The following LPCAT2 variants were observed in gnomAD, a reference collection of about 807,000 sequenced individuals.
LPCAT2 encodes the protein lysophosphatidylcholine acyltransferase 2.
LPCAT2 carries 58 observed loss-of-function variants against 64.7 expected under a neutral mutation model. The ratio of observed to expected loss-of-function variants is 0.90; its 90% CI spans 0.73 to 1.12. The LOEUF (loss-of-function observed/expected upper bound fraction) is 1.12. Ranked by LOEUF, LPCAT2 falls within the 50% of genes most tolerant of loss-of-function variation. The probability of loss-of-function intolerance (pLI) is 0.00; values close to 1 mark genes in which losing one functional copy is unlikely to be tolerated. For missense variants in LPCAT2, 579 were observed against 669.8 expected, an observed-to-expected ratio of 0.86 and a Z score of 1.50; for synonymous variants, 252 against 245.3, an observed-to-expected ratio of 1.03 and a Z score of -0.26.
intron 1 of LPCAT2, among the ~76,000 whole-genome samples, chr16:55,514,577 CAG>C (rs1443768097): frequency 6.6e-6 from 1 of 152,158 alleles, no homozygotes; most frequent in Non-Finnish European, 1.5e-5. Flanking sequence ...CAACAACAAA[CAG>C]CAACCACAAC....
At chr16:55,512,340 T>C (rs1424674378) in intron 1 of LPCAT2, among the ~76,000 whole-genome samples, 1 of 152,202 alleles carries the variant, frequency 6.6e-6, no homozygotes, top group Non-Finnish European at 1.5e-5. Flanking sequence ...TATGAAAAAC[T>C]ACACGAAGGC....
At position 55,556,458 on chromosome 16, in the gene LPCAT2, T is replaced by C. The variant is rs147664370; in HGVS notation, c.1215+5356T>C. Among the ~76,000 whole-genome samples, 283 of 152,238 alleles carry C rather than the reference T, an allele frequency of 1.9e-3. 5 individuals carry two copies. In the East Asian group the frequency reaches 0.026, roughly 14 times the overall value. Reference sequence around the variant, plus strand: ...TTTCCCTGTCCTTCAGGTGTCAAACTATTATAGCTAGCAGTTACAGAATTG... The same window carrying C: ...TTTCCCTGTCCTTCAGGTGTCAAACCATTATAGCTAGCAGTTACAGAATTG... On this transcript the variant is annotated intron_variant, in intron 11 of 13. Transcript: ENST00000262134.
chr16:55,564,762 G>T (rs1963673516), intron 11 of LPCAT2, among the ~76,000 whole-genome samples: 1 of 151,906 alleles, frequency 6.6e-6, no homozygotes, highest in South Asian at 2.1e-4. Flanking sequence ...CAGAGGAAAA[G>T]CTTCATGACA....
At chr16:55,552,101 C>T (rs1455769300) in intron 11 of LPCAT2, among the ~76,000 whole-genome samples, 1 of 152,100 alleles carries the variant, frequency 6.6e-6, no homozygotes, top group Non-Finnish European at 1.5e-5. Flanking sequence ...TGTAGTCAAG[C>T]CCTTCCCCCA....
chr16:55,511,864 G>T (rs1400643559), intron 1 of LPCAT2, among the ~76,000 whole-genome samples: 1 of 152,156 alleles, frequency 6.6e-6, no homozygotes, highest in Admixed American at 6.5e-5. Flanking sequence ...CAGGGTCTAT[G>T]CTATATGGTC....
rs539874304 is a variant in LPCAT2, at chr16:55,579,118, G to A, written c.1324G>A (p.Val442Ile). The change falls in exon 13 of 14, where the codon GTT becomes ATT. Residue 442 changes from valine to isoleucine, a missense_variant. By Grantham distance (29) the Val-to-Ile change is conservative. Coordinates refer to ENST00000262134, the MANE Select transcript of LPCAT2 (RefSeq NM_017839.5). Reference sequence around the variant, plus strand: ...ATTTTATTTTCTTCAGCTGTTTGACGTTGATGAGGATGGCTACATAACGGA... The same window carrying A: ...ATTTTATTTTCTTCAGCTGTTTGACATTGATGAGGATGGCTACATAACGGA... ...IIQVAFKLFD[V>I]DEDGYITEEE... The A allele has an allele frequency of 4.3e-5, 70 of 1,612,688 alleles. No homozygotes were observed. Among genetic ancestry groups the A allele is most frequent in the Middle Eastern group, 3.3e-4 (2 of 6,044 alleles).
chr16:55,527,887 G>T (rs1963195170), intron 2 of LPCAT2, among the ~76,000 whole-genome samples: 1 of 152,186 alleles, frequency 6.6e-6, no homozygotes, highest in Admixed American at 6.5e-5. Context: ...GTTTCAGTGT[G>T]AGAGCTCCAA....
At chr16:55,526,255 A>G (rs779316622) in intron 2 of LPCAT2, among the ~76,000 whole-genome samples, 1 of 152,198 alleles carries the variant, frequency 6.6e-6, no homozygotes, top group Admixed American at 6.5e-5. Flanking sequence ...GAAACTGATC[A>G]TGAGTTGACA....
At position 55,586,463 on chromosome 16, in the gene LPCAT2, A is replaced by G. The variant is rs1421076239; in HGVS notation, c.*3365A>G. On this transcript the variant is annotated 3_prime_UTR_variant, in exon 14 of 14. Coordinates refer to ENST00000262134, the MANE Select transcript of LPCAT2 (RefSeq NM_017839.5). ...GAGAAAAATATAAACAGAAAAAATT[A>G]TGTTTACTTCTACCACCCTAAATCA... The G allele has an allele frequency of 7.6e-6, 1 of 132,002 alleles. No homozygotes were observed. The highest frequency in any genetic ancestry group is 1.5e-5 in the Non-Finnish European group (1 of 67,598). 8.2% of individuals were successfully genotyped at this position (132,002 alleles called of 1,614,324 possible).
In LPCAT2 at chr16:55,572,527, G is replaced by A. The variant is rs140194739; in HGVS notation, c.1216-2104G>A. Among the ~76,000 whole-genome samples, 11 of 152,312 alleles carry A rather than the reference G, an allele frequency of 7.2e-5. No individual in the cohort carries two copies. In the East Asian group the frequency reaches 2.1e-3, roughly 29 times the overall value. The stretch of plus-strand genomic sequence containing the variant: ...AAGGTTCAGTAAAAACAGCCCTCCA[G>A]AGTGCATTAGAAAATTAAATGGTGG... On this transcript the variant is annotated intron_variant, in intron 11 of 13. Coordinates refer to ENST00000262134, the MANE Select transcript of LPCAT2 (RefSeq NM_017839.5).
intron 1 of LPCAT2, among the ~76,000 whole-genome samples, chr16:55,517,893 G>T (rs1336283293): frequency 3.9e-5 from 6 of 152,110 alleles, no homozygotes; most frequent in Non-Finnish European, 7.4e-5. Context: ...CTAAGATAAG[G>T]AATAAGACAA....
chr16:55,532,154 T>C (rs1596859395), intron 5 of LPCAT2, 180 bp downstream of exon 5: 2 of 552,068 alleles, frequency 3.6e-6, no homozygotes, highest in East Asian at 6.0e-5. Context: ...TTTGGGGTCA[T>C]AATTCCTCTC....
Position 55,509,255 on chromosome 16 carries a change from G to A in LPCAT2, c.74G>A (p.Arg25Gln). Residue 25 changes from arginine (R) to glutamine (Q), a missense_variant, in exon 1 of 14, where the codon CGG becomes CAG. Transcript: ENST00000262134. Reference protein sequence around the residue: ...PGAGVGNVGLRPPMVPRQASF... With the variant: ...PGAGVGNVGLQPPMVPRQASF... The stretch of plus-strand genomic sequence containing the variant: ...GCCGGCGTCGGGAACGTGGGGCTGC[G>A]GCCGCCCATGGTGCCCCGTCAGGCG... 3 of 1,496,108 alleles carry A rather than the reference G, an allele frequency of 2.0e-6. No homozygotes were observed. Among genetic ancestry groups the A allele is most frequent in the Non-Finnish European group, 2.7e-6 (3 of 1,115,960 alleles). The allele number at this position is 1,496,108 out of a possible 1,614,324, so 92.7% of individuals were successfully genotyped here. A position where few individuals can be genotyped will look rare whatever the true frequency, so the allele number is the denominator to read the frequency against.
rs1342364800 is a variant in LPCAT2, at chr16:55,583,835, A to G, written c.*737A>G. The stretch of plus-strand genomic sequence containing the variant: ...GTAGTTGGGATTACAGGTGCCCACC[A>G]CCACACCCGACTAATTTTTGTATTT... On this transcript the variant is annotated 3_prime_UTR_variant, in exon 14 of 14. Transcript: ENST00000262134. 1 of 152,144 alleles carries G rather than the reference A, an allele frequency of 6.6e-6. No homozygotes were observed. Among genetic ancestry groups the G allele is most frequent in the African/African-American group, 2.4e-5 (1 of 41,410 alleles). The allele number at this position is 152,144 out of a possible 1,614,324, so 9.4% of individuals were successfully genotyped here.
At chr16:55,552,587 A>C (rs1352404993) in intron 11 of LPCAT2, among the ~76,000 whole-genome samples, 1 of 152,200 alleles carries the variant, frequency 6.6e-6, no homozygotes. Flanking sequence ...TGGTTCTAGC[A>C]CTGCAATAGA....
chr16:55,532,917 G>A lies in LPCAT2; in HGVS notation c.762+35G>A, dbSNP rs1226039500. The stretch of plus-strand genomic sequence containing the variant: ...GTATTTTACCACAGGAAGAATTTCA[G>A]TATTCCAAGTAGCACAGATTCTCTG... On this transcript the variant is annotated intron_variant, in intron 6 of 13. Coordinates refer to ENST00000262134, the MANE Select transcript of LPCAT2 (RefSeq NM_017839.5). The A allele has an allele frequency of 2.0e-6, 3 of 1,533,094 alleles. No homozygotes were observed. The South Asian group carries it at 3.4e-5, about 17-fold the overall frequency. 95.0% of individuals were successfully genotyped at this position (1,533,094 alleles called of 1,614,324 possible).
chr16:55,585,936 A>G lies in LPCAT2; in HGVS notation c.*2838A>G, dbSNP rs1419816918. The G allele has an allele frequency of 2.0e-5, 3 of 152,172 alleles. No individual in the cohort carries two copies. The highest frequency in any genetic ancestry group is 4.8e-5 in the African/African-American group (2 of 41,450). 9.4% of individuals were successfully genotyped at this position (152,172 alleles called of 1,614,324 possible). A position where few individuals can be genotyped will look rare whatever the true frequency, so the allele number is the denominator to read the frequency against. ...ATGCTCAAATAGAAGGATATTGACT[A>G]TATTGGAACAGATGGAGTCTCTACT... is the stretch of plus-strand genomic sequence containing the variant. On this transcript the variant is annotated 3_prime_UTR_variant, in exon 14 of 14. Transcript: ENST00000262134.
chr16:55,578,704 G>A (rs1436348143), intron 12 of LPCAT2, among the ~76,000 whole-genome samples: 6 of 152,156 alleles, frequency 3.9e-5, no homozygotes, highest in African/African-American at 1.4e-4. Context: ...TACCCACCAT[G>A]ATCTAATTCC....
In LPCAT2 at chr16:55,583,289, C is replaced by T. The variant is rs1293053048; in HGVS notation, c.*191C>T. ...TATTGGAAAAAATCAAGCAATATTT[C>T]GTTTTCTTTTGTGTTATATTGTACT... On this transcript the variant is annotated 3_prime_UTR_variant, in exon 14 of 14. Coordinates refer to ENST00000262134, the MANE Select transcript of LPCAT2 (RefSeq NM_017839.5). 1 of 542,672 alleles carries T rather than the reference C, an allele frequency of 1.8e-6. No individual in the cohort carries two copies. Among genetic ancestry groups the T allele is most frequent in the Non-Finnish European group, 3.2e-6 (1 of 311,498 alleles). 33.6% of individuals were successfully genotyped at this position (542,672 alleles called of 1,614,324 possible).
Sources: gnomAD v4.1 joint callset for allele counts (sites outside exome capture counted in the v4.1 genomes callset) on GRCh38, gnomAD v4.1.1 for gene constraint, MANE v1.5 for transcripts, NCBI Gene and HGNC (gene_info 2026-07-23, HGNC 2026-07-21) for gene names.